The following PCDH7 variants were observed in gnomAD, a reference collection of about 807,000 sequenced individuals.
PCDH7 encodes protocadherin-7.
PCDH7 carries 17 observed loss-of-function variants against 58.9 expected under a neutral mutation model. The observed-to-expected ratio is 0.29, with a 90% CI of 0.20 to 0.43. The LOEUF (loss-of-function observed/expected upper bound fraction) is 0.43, where lower values mean the gene tolerates loss of function less well. Ranked by LOEUF, PCDH7 falls within the 20% of genes least tolerant of loss-of-function variation. PCDH7 has a pLI of 1.00. For missense variants in PCDH7, 1,274 were observed against 1,441.0 expected (o/e 0.88, Z 1.88); for synonymous variants, 664 against 616.4 (o/e 1.08, Z -1.14).
intron 1 of PCDH7, among the ~76,000 whole-genome samples, chr4:30,728,958 T>C (rs970374660): frequency 6.6e-6 from 1 of 151,740 alleles, no homozygotes; most frequent in Non-Finnish European, 1.5e-5. Context: ...ATGTGAAAAA[T>C]ATCTAAGCTT....
intron 1 of PCDH7, among the ~76,000 whole-genome samples, chr4:30,788,142 G>A (rs947558868): frequency 2.6e-5 from 4 of 151,990 alleles, no homozygotes; most frequent in African/African-American, 7.3e-5. Context: ...AAAAAATAGG[G>A]AAATATCTGT....
At chr4:30,989,306 T>A (rs1297401964) in intron 3 of PCDH7, among the ~76,000 whole-genome samples, 2 of 152,190 alleles carry the variant, frequency 1.3e-5, no homozygotes, top group Non-Finnish European at 2.9e-5. Flanking sequence ...TTTTTCTCTT[T>A]CTCTTTTTAA....
chr4:30,968,040 G>C (rs887387208), intron 3 of PCDH7, among the ~76,000 whole-genome samples: 7 of 151,800 alleles, frequency 4.6e-5, no homozygotes, highest in Non-Finnish European at 1.0e-4. Context: ...TATTTTTAAA[G>C]AATAGATGTA....
At chr4:30,741,550 AG>A (rs1717080969) in intron 1 of PCDH7, among the ~76,000 whole-genome samples, 1 of 152,190 alleles carries the variant, frequency 6.6e-6, no homozygotes, top group Non-Finnish European at 1.5e-5. Flanking sequence ...ATGGAAATAA[AG>A]TATGCTAAAA....
intron 1 of PCDH7, among the ~76,000 whole-genome samples, chr4:30,793,425 C>A (rs936437694): frequency 3.9e-5 from 6 of 152,006 alleles, no homozygotes; most frequent in Non-Finnish European, 8.8e-5. Context: ...ATACAACAGT[C>A]TATTTCATGC....
chr4:31,027,602 T>C (rs551630207), intron 3 of PCDH7, among the ~76,000 whole-genome samples: 216 of 152,098 alleles, frequency 1.4e-3, no homozygotes, highest in Non-Finnish European at 2.6e-3. Context: ...TTTGTGTTTT[T>C]AGTAGATATG....
At chr4:31,110,234 C>G (rs1716116136) in intron 3 of PCDH7, among the ~76,000 whole-genome samples, 1 of 152,200 alleles carries the variant, frequency 6.6e-6, no homozygotes. Context: ...ATCTATCATT[C>G]AAACACGGAC....
At chr4:31,088,942 C>A (rs1247308922) in intron 3 of PCDH7, among the ~76,000 whole-genome samples, 2 of 151,968 alleles carry the variant, frequency 1.3e-5, no homozygotes, top group African/African-American at 4.8e-5. Context: ...TACAGTATAT[C>A]ATGTGTAACA....
intron 1 of PCDH7, among the ~76,000 whole-genome samples, chr4:30,822,803 G>T (rs1728544199): frequency 6.6e-6 from 1 of 152,088 alleles, no homozygotes; most frequent in African/African-American, 2.4e-5. Context: ...GTTTTCTAAA[G>T]AACCCATTTG....
intron 3 of PCDH7, among the ~76,000 whole-genome samples, chr4:31,140,432 T>C (rs1212555143): frequency 6.6e-6 from 1 of 151,882 alleles, no homozygotes; most frequent in African/African-American, 2.4e-5. Flanking sequence ...AGAAGCTAAA[T>C]TCCTGATTAT....
rs1553879619 is a variant in PCDH7, at chr4:30,754,188, G to GTTTT, written c.70+29595_70+29598dup. ...TGTGTGTGTGTGTGTGTGTGTGTGT[G>GTTTT]TTTTTTCTGGAGGGAGGAGGAAGTA... On this transcript the variant is annotated intron_variant, in intron 1 of 3. Coordinates refer to the PCDH7 transcript ENST00000509759. Among the ~76,000 whole-genome samples the GTTTT allele has an allele frequency of 2.8e-3, 394 of 141,018 alleles. 4 individuals carry two copies. The highest frequency in any genetic ancestry group is 0.011 in the African/African-American group (371 of 33,298). 92.5% of individuals were successfully genotyped at this position (141,018 alleles called of 152,430 possible).
intron 2 of PCDH7, among the ~76,000 whole-genome samples, chr4:30,942,853 C>G (rs1046206196): frequency 6.6e-6 from 1 of 150,594 alleles, no homozygotes; most frequent in South Asian, 2.1e-4. Flanking sequence ...GACAACCTAC[C>G]TAAGCAATGG....
chr4:31,042,529 G>A (rs955974959), intron 3 of PCDH7, among the ~76,000 whole-genome samples: 25 of 152,162 alleles, frequency 1.6e-4, no homozygotes, highest in African/African-American at 3.6e-4. Context: ...TATGCAGATC[G>A]TTTCAAGAAA....
intron 2 of PCDH7, among the ~76,000 whole-genome samples, chr4:30,945,586 C>CT (rs563534058): frequency 0.016 from 2,461 of 150,674 alleles, 55 homozygotes; most frequent in African/African-American, 0.056. Flanking sequence ...CTACACAACG[C>CT]TTTTTTTTTA....
At chr4:31,142,386 T>G in intron 3 of PCDH7, 87 bp from the exon 3 acceptor site, 1 of 1,107,754 alleles carries the variant, frequency 9.0e-7, no homozygotes, top group South Asian at 1.5e-5. Flanking sequence ...AAGGAATATA[T>G]TTATATATTT....
chr4:31,092,597 C>T (rs1360638094), intron 3 of PCDH7, among the ~76,000 whole-genome samples: 4 of 151,962 alleles, frequency 2.6e-5, no homozygotes, highest in South Asian at 2.1e-4. Flanking sequence ...CCCAGAATCA[C>T]GATTTTGCAC....
At chr4:31,092,750 T>C (rs1426954579) in intron 3 of PCDH7, among the ~76,000 whole-genome samples, 1 of 152,024 alleles carries the variant, frequency 6.6e-6, no homozygotes, top group Non-Finnish European at 1.5e-5. Flanking sequence ...CCTCTCTAAA[T>C]CTAATTACAT....
chr4:30,778,085 G>T (rs1321947942), intron 1 of PCDH7, among the ~76,000 whole-genome samples: 1 of 151,892 alleles, frequency 6.6e-6, no homozygotes, highest in Admixed American at 6.6e-5. Context: ...GATGCCAAAG[G>T]TCACTTCATT....
At chr4:31,009,729 C>G (rs1457825086) in intron 3 of PCDH7, among the ~76,000 whole-genome samples, 1 of 151,794 alleles carries the variant, frequency 6.6e-6, no homozygotes. Context: ...TGACTTCTCC[C>G]AATAACTAGC....
Sources: gnomAD v4.1 joint callset for allele counts (sites outside exome capture counted in the v4.1 genomes callset) on GRCh38, gnomAD v4.1.1 for gene constraint, MANE v1.5 for transcripts, NCBI Gene and HGNC (gene_info 2026-07-23, HGNC 2026-07-21) for gene names.